Variants in CSMD2 observed in about 807,000 individuals in gnomAD.
The protein encoded by CSMD2 is CUB and Sushi multiple domains 2.
Under a neutral mutation model 398.5 loss-of-function variants are expected in CSMD2, and 130 were observed. That is an observed-to-expected ratio of 0.33 (90% CI 0.28 to 0.38). CSMD2 has a LOEUF of 0.38. CSMD2 is among the 10% of genes least tolerant of loss of function. The pLI, the probability that CSMD2 is intolerant of heterozygous loss-of-function variation, is 1.00. For missense variants in CSMD2, 3,829 were observed against 4,764.9 expected, an observed-to-expected ratio of 0.80 and a Z score of 5.78; for synonymous variants, 1,828 against 1,908.5, an observed-to-expected ratio of 0.96 and a Z score of 1.10.
intron 25 of CSMD2, among the ~76,000 whole-genome samples, chr1:33,666,238 A>T (rs776273142): frequency 6.6e-6 from 1 of 152,202 alleles, no homozygotes; most frequent in African/African-American, 2.4e-5. Context: ...GATAAACTTT[A>T]TGGTTACCAA....
intron 1 of CSMD2, among the ~76,000 whole-genome samples, chr1:34,140,299 A>AAAAG (rs1376023981): frequency 1.8e-5 from 2 of 108,728 alleles, no homozygotes; most frequent in Admixed American, 1.9e-4. Flanking sequence ...TATGCAAAAA[A>AAAAG]ACAAACAAAC....
chr1:33,695,677 A>G (rs932323485), intron 24 of CSMD2, among the ~76,000 whole-genome samples: 21 of 152,230 alleles, frequency 1.4e-4, no homozygotes, highest in African/African-American at 4.1e-4. Flanking sequence ...AGTGCCATCA[A>G]CGGATCTTTA....
chr1:33,560,908 C>T (rs1658479228), intron 53 of CSMD2, among the ~76,000 whole-genome samples: 1 of 152,186 alleles, frequency 6.6e-6, no homozygotes, highest in South Asian at 2.1e-4. Context: ...TGGATGGATG[C>T]CTAGGCTTCT....
intron 10 of CSMD2, among the ~76,000 whole-genome samples, chr1:33,804,196 ATTG>A (rs1216779814): frequency 1.3e-5 from 2 of 152,238 alleles, no homozygotes; most frequent in African/African-American, 4.8e-5. Context: ...AAGAGCTATT[ATTG>A]TTGTTAACAA....
At chr1:33,731,119 A>C (rs971602123) in intron 15 of CSMD2, among the ~76,000 whole-genome samples, 2 of 152,216 alleles carry the variant, frequency 1.3e-5, no homozygotes, top group African/African-American at 4.8e-5. Flanking sequence ...AAATACATAA[A>C]GTATGTTTGG....
chr1:34,060,404 G>A (rs1233275254), intron 2 of CSMD2, among the ~76,000 whole-genome samples: 1 of 152,190 alleles, frequency 6.6e-6, no homozygotes, highest in African/African-American at 2.4e-5. Context: ...TAATTAGAAT[G>A]TATTTATATA....
At chr1:33,556,663 C>T (rs1328861415) in intron 55 of CSMD2, among the ~76,000 whole-genome samples, 1 of 152,166 alleles carries the variant, frequency 6.6e-6, no homozygotes, top group Non-Finnish European at 1.5e-5. Flanking sequence ...GCTGTGTCCC[C>T]ACCCAAACCA....
intron 1 of CSMD2, among the ~76,000 whole-genome samples, chr1:34,161,631 T>C (rs1025170780): frequency 6.6e-6 from 1 of 152,072 alleles, no homozygotes; most frequent in Admixed American, 6.5e-5. Flanking sequence ...TACAATGTAT[T>C]TGGCAATTGA....
chr1:33,557,636 ACACACACAC>A, intron 55 of CSMD2, 89 bp downstream of exon 55: 1 of 1,002,422 alleles, frequency 1.0e-6, no homozygotes. Context: ...ACACACACAC[ACACACACAC>A]ACACACACAC....
chr1:33,913,915 C>G (rs747850553), intron 5 of CSMD2, among the ~76,000 whole-genome samples: 1 of 152,056 alleles, frequency 6.6e-6, no homozygotes, highest in African/African-American at 2.4e-5. Flanking sequence ...GGGGGCTTCA[C>G]TTTGCTGATT....
chr1:33,595,422 T>G (rs1208646553), intron 44 of CSMD2, among the ~76,000 whole-genome samples: 4 of 152,216 alleles, frequency 2.6e-5, no homozygotes, highest in African/African-American at 7.2e-5. Context: ...ATTGATGAGG[T>G]GGGCGTGTCT....
chr1:34,106,874 C>T (rs1255996270), intron 1 of CSMD2, among the ~76,000 whole-genome samples: 2 of 152,214 alleles, frequency 1.3e-5, no homozygotes, highest in Non-Finnish European at 1.5e-5. Context: ...TTCTCCTGGA[C>T]ATGTTTAACA....
At chr1:33,987,825 C>T (rs1310453455) in intron 3 of CSMD2, among the ~76,000 whole-genome samples, 2 of 152,176 alleles carry the variant, frequency 1.3e-5, no homozygotes, top group African/African-American at 4.8e-5. Flanking sequence ...CACCATGCCC[C>T]TGTGTTCAAG....
chr1:33,921,857 T>C (rs192501433), intron 4 of CSMD2, among the ~76,000 whole-genome samples: 285 of 152,190 alleles, frequency 1.9e-3, no homozygotes, highest in Admixed American at 4.8e-3. Context: ...ATGAAAGATA[T>C]GGTTTGGTGG....
At chr1:34,085,651 C>A (rs543250105) in intron 2 of CSMD2, among the ~76,000 whole-genome samples, 1 of 152,140 alleles carries the variant, frequency 6.6e-6, no homozygotes, top group Admixed American at 6.5e-5. Flanking sequence ...AAAGAGCTGA[C>A]CATTTGAAAG....
chr1:33,829,576 G>A (rs1449954148), intron 6 of CSMD2, among the ~76,000 whole-genome samples: 4 of 152,234 alleles, frequency 2.6e-5, no homozygotes, highest in Admixed American at 2.0e-4. Flanking sequence ...CCCAGCGTGA[G>A]CGACGCAGAA....
intron 1 of CSMD2, among the ~76,000 whole-genome samples, chr1:34,129,012 CACA>C (rs1558432038): frequency 2.7e-5 from 1 of 37,092 alleles, no homozygotes; most frequent in Admixed American, 4.3e-4. Context: ...TACCCCCCCC[CACA>C]CACACACACA....
rs1038134645 is a variant in CSMD2 at position 33,923,391 on chromosome 1, C to T, written c.713-5090G>A. On this transcript the variant is annotated intron_variant, in intron 4 of 70. Transcript: ENST00000373381. ...TGGTCATGTGAAGTGCCTGCTCCCA[C>T]TTCACCTTCCGCCATGAGTAAAAGC... 2.6e-5 allele frequency among the ~76,000 whole-genome samples: 4 copies of T among 152,294 alleles called. No homozygotes were observed. In the South Asian group the frequency reaches 6.2e-4, roughly 24 times the overall value.
At chr1:33,684,466 C>A (rs1425189232) in intron 25 of CSMD2, among the ~76,000 whole-genome samples, 1 of 152,184 alleles carries the variant, frequency 6.6e-6, no homozygotes, top group Non-Finnish European at 1.5e-5. Context: ...CTTCTTCCTT[C>A]CCCCTCCACG....
Sources: gnomAD v4.1 joint callset for allele counts (sites outside exome capture counted in the v4.1 genomes callset) on GRCh38, gnomAD v4.1.1 for gene constraint, MANE v1.5 for transcripts, NCBI Gene and HGNC (gene_info 2026-07-23, HGNC 2026-07-21) for gene names.